The following MGST1 variants were observed in gnomAD, a reference collection of about 807,000 sequenced individuals.
The protein encoded by MGST1 is microsomal glutathione S-transferase 1, also known as glutathione S-transferase 12.
A neutral mutation model predicts 8.9 loss-of-function variants in MGST1; 5 were observed. The observed-to-expected ratio is 0.56, with a 90% CI of 0.29 to 1.19. The LOEUF is 1.19. Among genes scored for constraint, MGST1 ranks in the 50% most tolerant of loss-of-function variants. MGST1 has a pLI of 0.08. For synonymous variants in MGST1, 54 were observed against 67.8 expected (o/e 0.80, Z 1.00); for missense variants, 182 against 187.4 (o/e 0.97, Z 0.17).
At chr12:16,465,810 T>C (rs553946241) in intron 4 of MGST1, among the ~76,000 whole-genome samples, 1 of 152,312 alleles carries the variant, frequency 6.6e-6, no homozygotes, top group Admixed American at 6.5e-5. Flanking sequence ...TTGTCTTCCA[T>C]GAAAGTGGTC....
At chr12:16,377,497 T>C (rs1052333051), downstream of MGST1, among the ~76,000 whole-genome samples, 7 of 152,106 alleles carry the variant, frequency 4.6e-5, no homozygotes, top group Admixed American at 6.5e-5. Flanking sequence ...TATGGCTGCA[T>C]AGTATTCCAC....
chr12:16,485,338 T>C (rs1012252146), intron 4 of MGST1, among the ~76,000 whole-genome samples: 8 of 152,222 alleles, frequency 5.3e-5, no homozygotes, highest in African/African-American at 1.9e-4. Flanking sequence ...GCTGTGGATA[T>C]TTATGTTTAA....
chr12:16,471,980 C>T lies in MGST1; in HGVS notation n.482+88376C>T, dbSNP rs1200475851. On this transcript the variant is annotated intron_variant and non_coding_transcript_variant, in intron 4 of 4. Transcript: ENST00000538857. The stretch of plus-strand genomic sequence containing the variant: ...GCACACATTGTCCGCTCCACATACT[C>T]ACACATTTCCCCAGTGCTCCAGGCA... 2.0e-5 allele frequency among the ~76,000 whole-genome samples: 3 copies of T among 152,068 alleles called. No homozygotes were observed. The East Asian group carries it at 5.8e-4, about 29-fold the overall frequency.
intron 1 of MGST1, among the ~76,000 whole-genome samples, chr12:16,406,165 CCA>C (rs1168542565): frequency 6.6e-6 from 1 of 152,108 alleles, no homozygotes; most frequent in African/African-American, 2.4e-5. Context: ...CTAGAAAACC[CCA>C]CAGTCTCAGC....
At chr12:16,495,216 C>T (rs1271927143) in intron 4 of MGST1, among the ~76,000 whole-genome samples, 1 of 152,096 alleles carries the variant, frequency 6.6e-6, no homozygotes, top group Non-Finnish European at 1.5e-5. Flanking sequence ...AATGCAGGAA[C>T]AGAAAACCAA....
At chr12:16,457,500 C>A (rs1005934426) in intron 4 of MGST1, among the ~76,000 whole-genome samples, 2 of 151,892 alleles carry the variant, frequency 1.3e-5, no homozygotes, top group African/African-American at 4.8e-5. Flanking sequence ...TGACAGTTGA[C>A]TTCCGTGATA....
In MGST1 at chr12:16,501,239, G is replaced by C. The variant is rs190766103; in HGVS notation, n.483-88289G>C. The stretch of plus-strand genomic sequence containing the variant: ...GTTTATGTTAATAGCAGCCGTTTAG[G>C]AGTAGGTTTCTAAAGCACTGCATGA... On this transcript the variant is annotated intron_variant and non_coding_transcript_variant, in intron 4 of 4. Coordinates refer to the MGST1 transcript ENST00000538857. Among the ~76,000 whole-genome samples the C allele has an allele frequency of 3.3e-5, 5 of 152,254 alleles. No individual in the cohort carries two copies. In the East Asian group the frequency reaches 9.6e-4, roughly 29 times the overall value.
chr12:16,411,917 T>A (rs1213780697), intron 1 of MGST1, among the ~76,000 whole-genome samples: 2 of 152,148 alleles, frequency 1.3e-5, no homozygotes, highest in Non-Finnish European at 2.9e-5. Context: ...ACACCCGAGG[T>A]GACTTGGTTG....
At chr12:16,529,054 C>T (rs1941706247) in intron 4 of MGST1, among the ~76,000 whole-genome samples, 1 of 152,050 alleles carries the variant, frequency 6.6e-6, no homozygotes, top group Non-Finnish European at 1.5e-5. Context: ...CATTAATCCA[C>T]TTAACCTCAT....
intron 4 of MGST1, among the ~76,000 whole-genome samples, chr12:16,554,368 G>A (rs1265499032): frequency 6.6e-6 from 1 of 152,084 alleles, no homozygotes; most frequent in African/African-American, 2.4e-5. Flanking sequence ...CACTTAGCTA[G>A]GGAGCTCCAA....
At chr12:16,400,892 G>T in intron 1 of MGST1, 1 of 1,195,568 alleles carries the variant, frequency 8.4e-7, no homozygotes, top group Non-Finnish European at 1.3e-6. Flanking sequence ...GTGTTTATAG[G>T]ACACATTAGA....
intron 1 of MGST1, among the ~76,000 whole-genome samples, chr12:16,412,953 C>T (rs1020948621): frequency 2.6e-5 from 4 of 152,022 alleles, no homozygotes; most frequent in African/African-American, 9.7e-5. Context: ...AGAAAAGGCT[C>T]TTGATTCAAG....
intron 4 of MGST1, chr12:16,550,818 A>G (rs1443177767): frequency 6.4e-6 from 1 of 156,356 alleles, no homozygotes; most frequent in Non-Finnish European, 1.4e-5. Flanking sequence ...AATATACAGT[A>G]AGTTTAAACA....
chr12:16,393,708 C>T (rs910771126), intron 1 of MGST1, among the ~76,000 whole-genome samples: 1 of 152,174 alleles, frequency 6.6e-6, no homozygotes, highest in East Asian at 1.9e-4. Context: ...GCCTGTTGCG[C>T]TCATTATGTT....
intron 4 of MGST1, among the ~76,000 whole-genome samples, chr12:16,495,542 C>A (rs989783383): frequency 6.6e-6 from 1 of 152,002 alleles, no homozygotes; most frequent in Non-Finnish European, 1.5e-5. Flanking sequence ...AACTTTGATG[C>A]TCATGGTATA....
rs149429096 is a variant in MGST1, at chr12:16,576,005, AC to A, written n.483-13518del. The stretch of plus-strand genomic sequence containing the variant: ...CTTTGAATTTGCCTCCTCTTCTCAG[AC>A]CCCCAAATCTAGCCCTGCCGCTGTG... On this transcript the variant is annotated intron_variant and non_coding_transcript_variant, in intron 4 of 4. Transcript: ENST00000538857. The surrounding 1 kb of genome is among the most constrained non-coding windows in gnomAD (Gnocchi z 4.1). Among the ~76,000 whole-genome samples the A allele has an allele frequency of 0.024, 3,675 of 151,838 alleles. 138 individuals carry two copies. The highest frequency in any genetic ancestry group is 0.084 in the African/African-American group (3,481 of 41,362).
intron 4 of MGST1, among the ~76,000 whole-genome samples, chr12:16,485,220 G>C (rs1941392353): frequency 6.6e-6 from 1 of 152,136 alleles, no homozygotes; most frequent in Non-Finnish European, 1.5e-5. Context: ...TCTTTTGCAG[G>C]TTCATCATCT....
rs187419718 is a variant in MGST1, at chr12:16,386,202, G to A, written n.778+2598G>A. Reference sequence around the variant, plus strand: ...GTTTGGAAATTCTTGAGCTCTTTTGGAGAAGATCGGTGATTTCCCATTGCC... The same window carrying A: ...GTTTGGAAATTCTTGAGCTCTTTTGAAGAAGATCGGTGATTTCCCATTGCC... On this transcript the variant is annotated intron_variant and non_coding_transcript_variant, in intron 1 of 1. Coordinates refer to the MGST1 transcript ENST00000359720. Among the ~76,000 whole-genome samples the A allele has an allele frequency of 2.0e-3, 308 of 152,254 alleles. 2 individuals are homozygous for A. Among genetic ancestry groups the A allele is most frequent in the African/African-American group, 7.1e-3 (294 of 41,544 alleles).
chr12:16,555,119 C>T lies in MGST1; in HGVS notation n.483-34409C>T, dbSNP rs764803123. ...TAAACGAATGAGTACATGTAAAACA[C>T]TCAGAACGGTGTTTGGTGTTTGACT... On this transcript the variant is annotated intron_variant and non_coding_transcript_variant, in intron 4 of 4. Coordinates refer to the MGST1 transcript ENST00000538857. This position sits in a 1 kb window ranked among gnomAD's most constrained non-coding sequence, Gnocchi z 5.5. 2.0e-5 allele frequency among the ~76,000 whole-genome samples: 3 copies of T among 152,200 alleles called. No individual in the cohort carries two copies. Among genetic ancestry groups the T allele is most frequent in the Non-Finnish European group, 2.9e-5 (2 of 68,042 alleles).
Sources: gnomAD v4.1 joint callset for allele counts (sites outside exome capture counted in the v4.1 genomes callset) on GRCh38, gnomAD v4.1.1 for gene constraint, Gnocchi (gnomAD v3.1) non-coding constraint, MANE v1.5 for transcripts, NCBI Gene and HGNC (gene_info 2026-07-23, HGNC 2026-07-21) for gene names.